The following NLGN1 variants were observed in gnomAD, a reference collection of about 807,000 sequenced individuals.
The protein encoded by NLGN1 is neuroligin 1, also known as neuroligin-1.
Under a neutral mutation model 65.5 loss-of-function variants are expected in NLGN1, and 12 were observed. That is an observed-to-expected ratio of 0.18 (90% CI 0.12 to 0.30). The LOEUF (loss-of-function observed/expected upper bound fraction) is 0.30. NLGN1 is among the 10% of genes least tolerant of loss of function. NLGN1 has a pLI of 1.00. For synonymous variants in NLGN1, 350 were observed against 359.5 expected, an observed-to-expected ratio of 0.97 and a Z score of 0.30; for missense variants, 750 against 1,007.1, an observed-to-expected ratio of 0.74 and a Z score of 3.46.
intron 3 of NLGN1, among the ~76,000 whole-genome samples, chr3:173,628,479 A>T (rs948004157): frequency 6.6e-6 from 1 of 152,174 alleles, no homozygotes; most frequent in Non-Finnish European, 1.5e-5. Flanking sequence ...ACATAAAAAG[A>T]GAAGTTAGAG....
chr3:174,247,607 C>A (rs1424526385), intron 4 of NLGN1, among the ~76,000 whole-genome samples: 1 of 152,196 alleles, frequency 6.6e-6, no homozygotes, highest in Non-Finnish European at 1.5e-5. Flanking sequence ...TTACAGTTAT[C>A]TATAGCCTCT....
chr3:173,450,127 C>T (rs1721202299), intron 2 of NLGN1, among the ~76,000 whole-genome samples: 1 of 152,146 alleles, frequency 6.6e-6, no homozygotes, highest in Non-Finnish European at 1.5e-5. Flanking sequence ...GGTTATTTTG[C>T]TCGTTAGTTG....
chr3:173,702,370 A>G (rs530900067), intron 3 of NLGN1, among the ~76,000 whole-genome samples: 1 of 152,048 alleles, frequency 6.6e-6, no homozygotes, highest in African/African-American at 2.4e-5. Flanking sequence ...GCTAAGTTAC[A>G]GACTAGGCGA....
intron 4 of NLGN1, among the ~76,000 whole-genome samples, chr3:174,123,269 A>C (rs1718161254): frequency 6.6e-6 from 1 of 152,188 alleles, no homozygotes; most frequent in Non-Finnish European, 1.5e-5. Context: ...TGGCCACCAG[A>C]GTAGCAGAAC....
intron 3 of NLGN1, among the ~76,000 whole-genome samples, chr3:173,710,544 C>A (rs1233614326): frequency 2.0e-5 from 3 of 152,128 alleles, no homozygotes; most frequent in Non-Finnish European, 4.4e-5. Flanking sequence ...TTTCCTAGGA[C>A]TTGGTTTATG....
intron 1 of NLGN1, among the ~76,000 whole-genome samples, chr3:173,410,137 A>C (rs1466122650): frequency 6.6e-6 from 1 of 152,166 alleles, no homozygotes; most frequent in Non-Finnish European, 1.5e-5. Flanking sequence ...TTCTGTCTGT[A>C]AAAAATACAC....
chr3:173,890,558 C>T (rs1421508242), intron 4 of NLGN1, among the ~76,000 whole-genome samples: 1 of 152,052 alleles, frequency 6.6e-6, no homozygotes, highest in African/African-American at 2.4e-5. Flanking sequence ...GAAAGGTGGT[C>T]ATTTATATAA....
At chr3:174,016,947 A>G (rs1726684897) in intron 4 of NLGN1, among the ~76,000 whole-genome samples, 1 of 152,134 alleles carries the variant, frequency 6.6e-6, no homozygotes, top group Admixed American at 6.6e-5. Flanking sequence ...GAAAGAGAAC[A>G]GAGCCAGAAA....
chr3:174,286,894 G>A (rs1226642454), downstream of NLGN1, among the ~76,000 whole-genome samples: 2 of 150,634 alleles, frequency 1.3e-5, no homozygotes, highest in Non-Finnish European at 3.0e-5. Flanking sequence ...AGTGGGAGAA[G>A]GAAAAAGAAA....
At chr3:173,789,193 C>T (rs2150357058) in intron 3 of NLGN1, among the ~76,000 whole-genome samples, 1 of 144,528 alleles carries the variant, frequency 6.9e-6, no homozygotes, top group African/African-American at 2.6e-5. Flanking sequence ...AGTGAGAGTC[C>T]ATCCAAAAAA....
At chr3:173,786,053 G>A (rs1399946232) in intron 3 of NLGN1, among the ~76,000 whole-genome samples, 1 of 152,100 alleles carries the variant, frequency 6.6e-6, no homozygotes, top group East Asian at 1.9e-4. Flanking sequence ...TTAAATTGCT[G>A]AATTCTAGGC....
At chr3:173,848,896 A>G (rs962671117) in intron 4 of NLGN1, among the ~76,000 whole-genome samples, 1 of 152,202 alleles carries the variant, frequency 6.6e-6, no homozygotes, top group Non-Finnish European at 1.5e-5. Context: ...ATTACCTGCG[A>G]TAGATTTCTT....
chr3:173,838,021 A>G (rs1300844920), intron 4 of NLGN1, among the ~76,000 whole-genome samples: 1 of 152,156 alleles, frequency 6.6e-6, no homozygotes, highest in East Asian at 1.9e-4. Flanking sequence ...TCTAATTTTG[A>G]TTTTGTAGAA....
chr3:173,748,428 T>C (rs1775847912), intron 3 of NLGN1, among the ~76,000 whole-genome samples: 1 of 152,062 alleles, frequency 6.6e-6, no homozygotes, highest in African/African-American at 2.4e-5. Flanking sequence ...GAAGAAAATG[T>C]TGTAATGGGA....
chr3:173,718,995 G>T lies in NLGN1; in HGVS notation c.494-88685G>T, dbSNP rs1578110350. 5.3e-5 allele frequency among the ~76,000 whole-genome samples: 8 copies of T among 152,230 alleles called. No individual in the cohort carries two copies. In the South Asian group the frequency reaches 1.5e-3, roughly 28 times the overall value. ...AATGAAATCCACTTTTCATACCACTGCCATTTTCCTTGCCCCCAAAGTAAA... is the reference window on the plus strand; with the variant it reads ...AATGAAATCCACTTTTCATACCACTTCCATTTTCCTTGCCCCCAAAGTAAA... On this transcript the variant is annotated intron_variant, in intron 3 of 6. Transcript: ENST00000457714.
chr3:173,583,486 A>G (rs935402814), intron 2 of NLGN1, among the ~76,000 whole-genome samples: 2 of 152,168 alleles, frequency 1.3e-5, no homozygotes, highest in African/African-American at 4.8e-5. Context: ...ACTCCTTAAC[A>G]CCTTGTACAC....
intron 2 of NLGN1, among the ~76,000 whole-genome samples, chr3:173,525,308 C>T (rs1048614997): frequency 6.6e-5 from 10 of 151,782 alleles, no homozygotes; most frequent in African/African-American, 2.2e-4. Flanking sequence ...CATTACTGAT[C>T]TATTCAGGAT....
intron 4 of NLGN1, among the ~76,000 whole-genome samples, chr3:174,179,765 A>G (rs1730060336): frequency 6.6e-6 from 1 of 152,086 alleles, no homozygotes; most frequent in Non-Finnish European, 1.5e-5. Flanking sequence ...TCCAAATGTC[A>G]TCTCAGCTTT....
At chr3:173,908,433 TA>T (rs1486549092) in intron 4 of NLGN1, among the ~76,000 whole-genome samples, 1 of 152,230 alleles carries the variant, frequency 6.6e-6, no homozygotes, top group African/African-American at 2.4e-5. Flanking sequence ...TCACTTGTGG[TA>T]AGATATCTTT....
Sources: gnomAD v4.1 joint callset for allele counts (sites outside exome capture counted in the v4.1 genomes callset) on GRCh38, gnomAD v4.1.1 for gene constraint, MANE v1.5 for transcripts, NCBI Gene and HGNC (gene_info 2026-07-23, HGNC 2026-07-21) for gene names.